The following STAC2 variants were observed in gnomAD, a reference collection of about 807,000 sequenced individuals.
STAC2 encodes the protein SH3 and cysteine-rich domain-containing protein 2.
Under a neutral mutation model 49.0 loss-of-function variants are expected in STAC2, and 36 were observed. That is an observed-to-expected ratio of 0.74 (90% CI 0.56 to 0.97). The LOEUF (loss-of-function observed/expected upper bound fraction) is 0.97. Ranked by LOEUF, STAC2 falls within the 50% of genes least tolerant of loss-of-function variation. The pLI is 0.00. For synonymous variants in STAC2, 239 were observed against 214.7 expected, an observed-to-expected ratio of 1.11 and a Z score of -0.99; for missense variants, 527 against 543.8, an observed-to-expected ratio of 0.97 and a Z score of 0.31.
Position 39,215,101 on chromosome 17 carries a change from C to T in STAC2, c.699+17G>A. ...GACACCCCTCCCCAAAAGACCCCCC[C>T]TTTTTGCCCACCATACCAGGCTCCT... is the stretch of plus-strand genomic sequence containing the variant. On this transcript the variant is annotated intron_variant, in intron 5 of 10. Transcript: ENST00000333461. The T allele has an allele frequency of 6.2e-7, 1 of 1,614,102 alleles. No individual in the cohort carries two copies. Among genetic ancestry groups the T allele is most frequent in the Non-Finnish European group, 8.5e-7 (1 of 1,180,018 alleles).
intron 6 of STAC2, 33 bp from the exon 7 acceptor site, chr17:39,214,894 G>T (rs1405268312): frequency 6.2e-7 from 1 of 1,613,826 alleles, no homozygotes; most frequent in Non-Finnish European, 8.5e-7. Flanking sequence ...GTGAGAGGCA[G>T]CAGGGAGCAC....
At chr17:39,219,676 C>T (rs758537686) in intron 1 of STAC2, among the ~76,000 whole-genome samples, 3 of 152,180 alleles carry the variant, frequency 2.0e-5, no homozygotes, top group Admixed American at 6.5e-5. Flanking sequence ...AGGGCAGGGT[C>T]GATTCTGCGG....
intron 1 of STAC2, among the ~76,000 whole-genome samples, chr17:39,219,098 C>T (rs767957105): frequency 6.6e-5 from 10 of 152,088 alleles, no homozygotes; most frequent in Non-Finnish European, 1.3e-4. Flanking sequence ...ACAGCTGTTG[C>T]GGGGGTGATG....
rs532525752 is a variant in STAC2 at position 39,225,462 on chromosome 17, G to A, written c.41C>T (p.Ala14Val). 1.2e-6 allele frequency: 2 copies of A among 1,610,024 alleles called. No individual in the cohort carries two copies. Among genetic ancestry groups the A allele is most frequent in the Admixed American group, 1.7e-5 (1 of 59,960 alleles). ...GGTCCCTGGGGGGCTGTGGGTGGCC[G>A]CGTCATCCGGTTCGTTCTCCTTCTC... ...MSEKENEPDD[A>V]ATHSPPGTVS... is the part of the protein sequence containing the mutation. The change falls in exon 1 of 11, where the codon GCG becomes GTG. Residue 14 changes from alanine to valine, a missense_variant. Coordinates refer to ENST00000333461, the MANE Select transcript of STAC2 (RefSeq NM_198993.5). The surrounding 1 kb of genome is among the most constrained non-coding windows in gnomAD (Gnocchi z 8.2).
chr17:39,219,988 C>G (rs530095156), intron 1 of STAC2, among the ~76,000 whole-genome samples: 1 of 152,318 alleles, frequency 6.6e-6, no homozygotes, highest in East Asian at 1.9e-4. Flanking sequence ...GGGAGGCCAG[C>G]AGGCAGCAAG....
intron 1 of STAC2, among the ~76,000 whole-genome samples, chr17:39,222,571 C>T (rs2046472935): frequency 6.6e-6 from 1 of 152,206 alleles, no homozygotes; most frequent in African/African-American, 2.4e-5. Context: ...GCTCCTGGGG[C>T]TCCTCATTCC....
At chr17:39,217,294 C>A in intron 2 of STAC2, 121 bp from the exon 3 acceptor site, 1 of 883,294 alleles carries the variant, frequency 1.1e-6, no homozygotes, top group Non-Finnish European at 1.8e-6. Context: ...TGAGGCCCAG[C>A]ACCTACCCCT....
chr17:39,224,895 G>A (rs1228158550), intron 1 of STAC2, among the ~76,000 whole-genome samples: 2 of 152,182 alleles, frequency 1.3e-5, no homozygotes, highest in African/African-American at 4.8e-5. Context: ...GGACTGCGGA[G>A]GGGCAGGGAG....
At chr17:39,218,264 G>A (rs1319289195) in intron 1 of STAC2, 91 bp from the exon 2 acceptor site, 2 of 943,666 alleles carry the variant, frequency 2.1e-6, no homozygotes, top group Non-Finnish European at 1.6e-6. Flanking sequence ...GGTAGGGGCG[G>A]CAGCAGCAGC....
chr17:39,215,003 G>A lies in STAC2; in HGVS notation c.720C>T (p.Thr240=), dbSNP rs35272507. 6 of 1,613,836 alleles carry A rather than the reference G, an allele frequency of 3.7e-6. No homozygotes were observed. Among genetic ancestry groups the A allele is most frequent in the South Asian group, 3.3e-5 (3 of 91,072 alleles). ...TGCGGATGCTGCCTTCCCCATCCTC[G>A]GTCAGCTCATCCCGCTCACTCTAGG... ...TRSLSERDEL[T]EDGEGSIRSS... The change falls in exon 6 of 11, where the codon ACC becomes ACT. Residue 240 remains threonine, a synonymous_variant. Coordinates refer to ENST00000333461, the MANE Select transcript of STAC2 (RefSeq NM_198993.5).
In STAC2 at chr17:39,214,287, G is replaced by A. The variant is rs141613917; in HGVS notation, c.887C>T (p.Ser296Phe). The A allele has an allele frequency of 8.6e-5, 138 of 1,613,970 alleles. No individual in the cohort carries two copies. The Middle Eastern group carries it at 9.9e-4, about 12-fold the overall frequency. ...CAGAAACTTGTAGAGTGCAACGTAG[G>A]AGTACATGGGCCCCACATCCTTCCG... ...TLRKDVGPMYSYVALYKFLPQ... is the reference protein window; with the variant it reads ...TLRKDVGPMYFYVALYKFLPQ... The change falls in exon 8 of 11, where the codon TCC becomes TTC. Residue 296 changes from serine to phenylalanine, a missense_variant. Transcript: ENST00000333461.
chr17:39,213,224 A>T, intron 9 of STAC2, 92 bp from the exon 10 acceptor site: 1 of 1,559,334 alleles, frequency 6.4e-7, no homozygotes, highest in East Asian at 2.2e-5. Context: ...ACTCAGCACC[A>T]ATGCCATCAT....
intron 7 of STAC2, 80 bp from the exon 8 acceptor site, chr17:39,214,410 C>T: frequency 1.3e-6 from 2 of 1,592,552 alleles, no homozygotes; most frequent in Non-Finnish European, 1.7e-6. Flanking sequence ...GAGTGTGCTA[C>T]CCTGGGGGCT....
rs1188301739 is a variant in STAC2 at position 39,225,423 on chromosome 17, T to A, written c.80A>T (p.Gln27Leu). 1 of 1,603,984 alleles carries A rather than the reference T, an allele frequency of 6.2e-7. No individual in the cohort carries two copies. Among genetic ancestry groups the A allele is most frequent in the Non-Finnish European group, 8.5e-7 (1 of 1,176,986 alleles). Residue 27 changes from glutamine (Q) to leucine (L), a missense_variant, in exon 1 of 11, where the codon CAG becomes CTG. By Grantham distance (113) the Gln-to-Leu change is moderately radical (BLOSUM62 -2). Transcript: ENST00000333461. The surrounding 1 kb of genome is among the most constrained non-coding windows in gnomAD (Gnocchi z 8.2). ...HSPPGTVSAL[Q>L]ETKLQRFKRS... Reference sequence around the variant, plus strand: ...CGCCCCCCAAGTTACCTTGGTTTCCTGGAGGGCGGAGACGGTCCCTGGGGG... The same window carrying A: ...CGCCCCCCAAGTTACCTTGGTTTCCAGGAGGGCGGAGACGGTCCCTGGGGG...
chr17:39,215,704 G>A (rs190588839), intron 4 of STAC2, among the ~76,000 whole-genome samples: 325 of 152,190 alleles, frequency 2.1e-3, no homozygotes, highest in Non-Finnish European at 3.5e-3. Context: ...CCATGGTCTC[G>A]TTTTTTCTTT....
chr17:39,218,262 C>T (rs113507882), intron 1 of STAC2, 89 bp from the exon 2 acceptor site: 13 of 1,395,750 alleles, frequency 9.3e-6, no homozygotes, highest in East Asian at 6.9e-5. Flanking sequence ...GCGGTAGGGG[C>T]GGCAGCAGCA....
In STAC2 at chr17:39,216,867, G is replaced by A; in HGVS notation, c.529C>T (p.Leu177Phe). 1 of 1,604,888 alleles carries A rather than the reference G, an allele frequency of 6.2e-7. No homozygotes were observed. Among genetic ancestry groups the A allele is most frequent in the Non-Finnish European group, 8.5e-7 (1 of 1,175,842 alleles). Reference protein sequence around the residue: ...TSFRRNFSSPLLVHEPPPVCA... With the variant: ...TSFRRNFSSPFLVHEPPPVCA... ...ACTGGTGGCGGCTCATGCACCAGGA[G>A]AGGGGAACTGAAGTTGCGGCGGAAG... The change falls in exon 4 of 11, where the codon CTC (leucine) becomes TTC (phenylalanine). Residue 177 changes from leucine to phenylalanine, a missense_variant. Transcript: ENST00000333461.
At chr17:39,219,685 G>A (rs911496791) in intron 1 of STAC2, among the ~76,000 whole-genome samples, 10 of 152,150 alleles carry the variant, frequency 6.6e-5, no homozygotes, top group African/African-American at 1.9e-4. Flanking sequence ...TCGATTCTGC[G>A]GTGAGGCCAG....
At chr17:39,217,563 A>G (rs2046416868) in intron 2 of STAC2, among the ~76,000 whole-genome samples, 1 of 152,112 alleles carries the variant, frequency 6.6e-6, no homozygotes, top group Non-Finnish European at 1.5e-5. Flanking sequence ...TCTACAAAAA[A>G]TATTTTAAAA....
Sources: allele counts gnomAD v4.1 joint callset (sites outside exome capture counted in the v4.1 genomes callset), GRCh38; gene constraint gnomAD v4.1.1; non-coding constraint Gnocchi (gnomAD v3.1); transcripts MANE v1.5; gene names NCBI Gene and HGNC (gene_info 2026-07-23, HGNC 2026-07-21).